Variants in SIGLEC5 observed in about 807,000 individuals in gnomAD.
The protein encoded by SIGLEC5 is sialic acid-binding Ig-like lectin 5.
In SIGLEC5, 34 loss-of-function variants were observed where a neutral mutation model predicts 45.9. The ratio of observed to expected loss-of-function variants is 0.74; its 90% CI spans 0.56 to 0.99. The LOEUF (loss-of-function observed/expected upper bound fraction) is 0.99. Among genes scored for constraint, SIGLEC5 ranks in the 50% least tolerant of loss-of-function variants. The probability of loss-of-function intolerance (pLI) is 0.00; values close to 1 mark genes in which losing one functional copy is unlikely to be tolerated. For missense variants in SIGLEC5, 508 were observed against 629.6 expected (o/e 0.81, Z 2.07); for synonymous variants, 203 against 258.6 (o/e 0.79, Z 2.06).
chr19:51,616,737 T>G (rs1983069924), intron 8 of SIGLEC5, among the ~76,000 whole-genome samples: 1 of 151,066 alleles, frequency 6.6e-6, no homozygotes, highest in Non-Finnish European at 1.5e-5. Context: ...CATGGCAAAA[T>G]CCTGTCTCTA....
chr19:51,626,538 C>T (rs1041280733), intron 7 of SIGLEC5, among the ~76,000 whole-genome samples: 3 of 152,018 alleles, frequency 2.0e-5, no homozygotes, highest in South Asian at 2.1e-4. Context: ...AACATTAGGC[C>T]GAGTGAAAGA....
At chr19:51,612,899 C>T (rs1034489020) in intron 8 of SIGLEC5, among the ~76,000 whole-genome samples, 2 of 152,174 alleles carry the variant, frequency 1.3e-5, no homozygotes, top group African/African-American at 2.4e-5. Flanking sequence ...CTCTCTCTTG[C>T]CCCCTACCCA....
At chr19:51,617,749 G>A (rs1245120316) in intron 8 of SIGLEC5, among the ~76,000 whole-genome samples, 1 of 152,020 alleles carries the variant, frequency 6.6e-6, no homozygotes, top group Non-Finnish European at 1.5e-5. Context: ...TCTGTGATAA[G>A]TATGGAATAG....
chr19:51,629,697 C>T (rs1292937392), intron 2 of SIGLEC5, 61 bp from the exon 3 acceptor site: 14 of 916,452 alleles, frequency 1.5e-5, no homozygotes, highest in South Asian at 1.3e-4. Flanking sequence ...GGTGTGACCC[C>T]GAGAGTGGCC....
At position 51,612,082 on chromosome 19, in the gene SIGLEC5, C is replaced by G; in HGVS notation, c.*149G>C. 1 of 31,294 alleles carries G rather than the reference C, an allele frequency of 3.2e-5. No individual in the cohort carries two copies. Among genetic ancestry groups the G allele is most frequent in the Non-Finnish European group, 6.0e-5 (1 of 16,652 alleles). The allele number at this position is 31,294 out of a possible 1,614,324, so 1.9% of individuals were successfully genotyped here. On this transcript the variant is annotated 3_prime_UTR_variant, in exon 9 of 9. Coordinates refer to ENST00000683636, the MANE Select transcript of SIGLEC5 (RefSeq NM_003830.4). Reference sequence around the variant, plus strand: ...AGGGCCTAGATTTGAGCCCACCTCTCTAATTCCATCTGCTTGGAGCACTTA... The same window carrying G: ...AGGGCCTAGATTTGAGCCCACCTCTGTAATTCCATCTGCTTGGAGCACTTA...
chr19:51,626,706 G>A (rs902265375), intron 7 of SIGLEC5, among the ~76,000 whole-genome samples: 2 of 152,048 alleles, frequency 1.3e-5, no homozygotes, highest in African/African-American at 4.8e-5. Flanking sequence ...TTATGTCTTC[G>A]TTTTTCACTT....
intron 4 of SIGLEC5, among the ~76,000 whole-genome samples, chr19:51,628,563 A>G (rs1983590799): frequency 6.6e-6 from 1 of 152,148 alleles, no homozygotes; most frequent in South Asian, 2.1e-4. Context: ...AGCAGAGTGC[A>G]TGAGTGTGCA....
chr19:51,615,636 A>C (rs532402649), intron 8 of SIGLEC5, among the ~76,000 whole-genome samples: 15 of 152,344 alleles, frequency 9.8e-5, no homozygotes, highest in Admixed American at 2.0e-4. Flanking sequence ...CAATGCAACG[A>C]GAGTCCTTGA....
At chr19:51,613,795 G>T (rs1323980535) in intron 8 of SIGLEC5, among the ~76,000 whole-genome samples, 3 of 152,034 alleles carry the variant, frequency 2.0e-5, no homozygotes, top group Non-Finnish European at 4.4e-5. Context: ...GGCGAGGCCA[G>T]GATTCGAACT....
rs143270394 is a variant in SIGLEC5, at chr19:51,617,636, T to G, written c.1465-5214A>C. Among the ~76,000 whole-genome samples, 31 of 152,116 alleles carry G rather than the reference T, an allele frequency of 2.0e-4. 1 individual carries two copies. The East Asian group carries it at 5.8e-3, about 28-fold the overall frequency. On this transcript the variant is annotated intron_variant, in intron 8 of 8. Transcript: ENST00000683636. ...AAAATGTAAGGGGATAAAATATATT[T>G]CCAGGCATATAAGTCTTCAGAAGCC...
intron 8 of SIGLEC5, among the ~76,000 whole-genome samples, chr19:51,625,666 C>A (rs1600103357): frequency 1.3e-5 from 2 of 152,034 alleles, no homozygotes; most frequent in Non-Finnish European, 2.9e-5. Flanking sequence ...CCCGTCTCTA[C>A]TAAAAATACA....
In SIGLEC5 at chr19:51,629,024, G is replaced by A; in HGVS notation, c.739+14C>T. ...AGAGGCAGGTCCCAGCTTCAGAGAG[G>A]AGGTCTTTCCTACCTATGCCGTTCC... On this transcript the variant is annotated intron_variant, in intron 4 of 8. Coordinates refer to ENST00000683636, the MANE Select transcript of SIGLEC5 (RefSeq NM_003830.4). The A allele has an allele frequency of 6.2e-7, 1 of 1,612,726 alleles. No homozygotes were observed. The highest frequency in any genetic ancestry group is 8.5e-7 in the Non-Finnish European group (1 of 1,178,902).
At chr19:51,627,354 G>A in intron 6 of SIGLEC5, 106 bp from the exon 7 acceptor site, 1 of 1,525,666 alleles carries the variant, frequency 6.6e-7, no homozygotes, top group Non-Finnish European at 8.9e-7. Context: ...AGGAGATGAA[G>A]AACCCTGTCT....
intron 8 of SIGLEC5, among the ~76,000 whole-genome samples, chr19:51,618,441 C>A (rs1983146612): frequency 2.0e-5 from 1 of 49,960 alleles, no homozygotes; most frequent in Non-Finnish European, 5.1e-5. Flanking sequence ...TGAGACCCTG[C>A]CTAAAAAAAA....
rs903469599 is a variant in SIGLEC5 at position 51,622,242 on chromosome 19, C to T, written c.1464+3790G>A. On this transcript the variant is annotated intron_variant, in intron 8 of 8. Transcript: ENST00000683636. ...TGCCTCCCAGGTTCACGCCATTCTC[C>T]TGCCTCAGCCTCCCGAGTAGCTGGG... is the stretch of plus-strand genomic sequence containing the variant. 5.9e-5 allele frequency among the ~76,000 whole-genome samples: 9 copies of T among 152,244 alleles called. No individual in the cohort carries two copies. In the South Asian group the frequency reaches 1.9e-3, roughly 32 times the overall value.
In SIGLEC5 at chr19:51,617,254, T is replaced by TA. The variant is rs34056987; in HGVS notation, c.1465-4833dup. On this transcript the variant is annotated intron_variant, in intron 8 of 8. Coordinates refer to ENST00000683636, the MANE Select transcript of SIGLEC5 (RefSeq NM_003830.4). ...TGGGCGACAGAGCAAGACTCCACCT[T>TA]AAAAAAAAAAAAAAAGTAGAAAAGG... is the stretch of plus-strand genomic sequence containing the variant. 6.9e-3 allele frequency among the ~76,000 whole-genome samples: 893 copies of TA among 130,360 alleles called. 18 individuals are homozygous for TA. Among genetic ancestry groups the TA allele is most frequent in the East Asian group, 0.041 (188 of 4,574 alleles). The allele number at this position is 130,360 out of a possible 152,430, so 85.5% of individuals were successfully genotyped here. A position where few individuals can be genotyped will look rare whatever the true frequency, so the allele number is the denominator to read the frequency against.
chr19:51,625,581 G>A (rs1290956897), intron 8 of SIGLEC5, among the ~76,000 whole-genome samples: 1 of 152,200 alleles, frequency 6.6e-6, no homozygotes, highest in Non-Finnish European at 1.5e-5. Flanking sequence ...TGTAATCCCA[G>A]CACTTTGGGA....
At chr19:51,626,165 G>C in intron 7 of SIGLEC5, 52 bp from the exon 8 acceptor site, 1 of 1,465,048 alleles carries the variant, frequency 6.8e-7, no homozygotes, top group Non-Finnish European at 9.5e-7. Flanking sequence ...GCACGGGTTA[G>C]CGGGTTGTCC....
chr19:51,617,096 A>T (rs572593833), intron 8 of SIGLEC5, among the ~76,000 whole-genome samples: 96 of 151,824 alleles, frequency 6.3e-4, no homozygotes, highest in African/African-American at 2.2e-3. Context: ...TCTACTAAAA[A>T]TACAAAAAAT....
Sources: gnomAD v4.1 joint callset for allele counts (sites outside exome capture counted in the v4.1 genomes callset) on GRCh38, gnomAD v4.1.1 for gene constraint, MANE v1.5 for transcripts, NCBI Gene and HGNC (gene_info 2026-07-23, HGNC 2026-07-21) for gene names.